RAB37: variants seen among roughly 807,000 people sequenced by gnomAD.
RAB37 encodes ras-related protein Rab-37.
RAB37 carries 29 observed loss-of-function variants against 33.1 expected under a neutral mutation model. The ratio of observed to expected loss-of-function variants is 0.88; its 90% CI spans 0.65 to 1.20. The LOEUF is 1.20. RAB37 is among the 50% of genes most tolerant of loss of function. The probability of loss-of-function intolerance (pLI) is 0.00; values close to 1 mark genes in which losing one functional copy is unlikely to be tolerated. For synonymous variants in RAB37, 128 were observed against 119.5 expected (o/e 1.07, Z -0.47); for missense variants, 299 against 301.1 (o/e 0.99, Z 0.05).
At chr17:74,736,212 G>GA (rs1032087916), upstream of RAB37, among the ~76,000 whole-genome samples, 1,692 of 142,072 alleles carry the variant, frequency 0.012, 17 homozygotes, top group African/African-American at 0.028. Flanking sequence ...GACTCTGTCT[G>GA]AAAAAAAAAA....
rs545949485 is a variant in RAB37, at chr17:74,704,750, G to A, written c.73-24506G>A. ...GCCTGATCTGTAAACACACTGCACG[G>A]TCAAGGAGCCCCGCTCCAAGCCATT... On this transcript the variant is annotated intron_variant, in intron 1 of 7. Transcript: ENST00000340415. 46 of 1,614,022 alleles carry A rather than the reference G, an allele frequency of 2.9e-5. 1 individual carries two copies. The South Asian group carries it at 4.2e-4, about 15-fold the overall frequency.
chr17:74,735,002 A>AGGAAGGAAGG (rs1227376183), upstream of RAB37, among the ~76,000 whole-genome samples: 93 of 86,354 alleles, frequency 1.1e-3, no homozygotes, highest in Middle Eastern at 4.1e-3. Context: ...GAAGAAAGAA[A>AGGAAGGAAGG]AAGAAAGGAA....
upstream of RAB37, among the ~76,000 whole-genome samples, chr17:74,734,536 C>A (rs75099099): frequency 0.018 from 2,741 of 152,256 alleles, 97 homozygotes; most frequent in East Asian, 0.16. Flanking sequence ...CCACCATTTC[C>A]CTCCTGCAAT....
intron 1 of RAB37, among the ~76,000 whole-genome samples, chr17:74,711,567 T>A (rs2033963847): frequency 6.6e-6 from 1 of 152,202 alleles, no homozygotes; most frequent in Admixed American, 6.5e-5. Flanking sequence ...CCCACCAGGA[T>A]CTTCTGAAGC....
upstream of RAB37, chr17:74,737,152 G>T (rs935265295): frequency 6.4e-7 from 1 of 1,573,774 alleles, no homozygotes; most frequent in Admixed American, 1.8e-5. Context: ...GCGACGGGAC[G>T]GAGGGAGGAG....
intron 1 of RAB37, among the ~76,000 whole-genome samples, chr17:74,675,458 T>C (rs1211732889): frequency 6.6e-6 from 1 of 151,610 alleles, no homozygotes; most frequent in Non-Finnish European, 1.5e-5. Context: ...GTGGTTGTAT[T>C]AGGGCATGCA....
intron 1 of RAB37, among the ~76,000 whole-genome samples, chr17:74,715,200 G>T (rs1302108566): frequency 6.6e-6 from 1 of 152,172 alleles, no homozygotes; most frequent in Non-Finnish European, 1.5e-5. Flanking sequence ...CTTTTGCCAT[G>T]TGTCACATAC....
chr17:74,705,637 A>G (rs2033443868), intron 1 of RAB37, among the ~76,000 whole-genome samples: 1 of 151,878 alleles, frequency 6.6e-6, no homozygotes, highest in Admixed American at 6.6e-5. Context: ...AGGCTGGAAC[A>G]CAGTGGCACA....
At chr17:74,689,846 G>A (rs1388913594) in intron 1 of RAB37, among the ~76,000 whole-genome samples, 1 of 49,798 alleles carries the variant, frequency 2.0e-5, no homozygotes, top group Non-Finnish European at 1.5e-4. Context: ...TGCCAACTCA[G>A]TAGTTTTTTT....
At chr17:74,700,073 C>T (rs1167690544) in intron 1 of RAB37, among the ~76,000 whole-genome samples, 1 of 151,814 alleles carries the variant, frequency 6.6e-6, no homozygotes, top group Non-Finnish European at 1.5e-5. Context: ...ACCCAGGAGG[C>T]GGAGGTTGCA....
intron 1 of RAB37, chr17:74,702,958 G>A: frequency 8.1e-7 from 1 of 1,240,766 alleles, no homozygotes; most frequent in South Asian, 1.2e-5. Flanking sequence ...GCTCAGGCTG[G>A]AAAATGGGAC....
At chr17:74,740,963 C>T in intron 2 of RAB37, 85 bp downstream of exon 2, 1 of 1,029,676 alleles carries the variant, frequency 9.7e-7, no homozygotes, top group Non-Finnish European at 1.5e-6. Flanking sequence ...CTTGCTCACC[C>T]TGGCTCCCAG....
chr17:74,696,099 A>C, intron 1 of RAB37: 2 of 1,469,552 alleles, frequency 1.4e-6, no homozygotes, highest in Non-Finnish European at 1.8e-6. Flanking sequence ...TTGGCACAGG[A>C]CTTCTCTGAT....
intron 1 of RAB37, among the ~76,000 whole-genome samples, chr17:74,679,478 A>G (rs1463445491): frequency 6.6e-6 from 1 of 152,202 alleles, no homozygotes; most frequent in East Asian, 1.9e-4. Context: ...ATTAAAAATC[A>G]TCTCTGCACT....
chr17:74,732,472 A>G (rs2034397170), upstream of RAB37, among the ~76,000 whole-genome samples: 1 of 122,848 alleles, frequency 8.1e-6, no homozygotes, highest in African/African-American at 2.9e-5. Flanking sequence ...GTGTGATTTG[A>G]GGTGTGTGTG....
At chr17:74,706,628 A>T (rs946958417) in intron 1 of RAB37, among the ~76,000 whole-genome samples, 1 of 152,170 alleles carries the variant, frequency 6.6e-6, no homozygotes, top group African/African-American at 2.4e-5. Context: ...AGATGGCGCC[A>T]TAGCACTCCA....
At chr17:74,701,480 C>A (rs148793533) in intron 1 of RAB37, among the ~76,000 whole-genome samples, 1 of 152,128 alleles carries the variant, frequency 6.6e-6, no homozygotes. Flanking sequence ...AAATAAATAA[C>A]CTTAACTATT....
At chr17:74,706,717 C>A (rs2033550598) in intron 1 of RAB37, among the ~76,000 whole-genome samples, 1 of 152,110 alleles carries the variant, frequency 6.6e-6, no homozygotes, top group Non-Finnish European at 1.5e-5. Flanking sequence ...GCACAACAAC[C>A]AACGGCGCGG....
At chr17:74,701,591 C>T (rs2033052806) in intron 1 of RAB37, among the ~76,000 whole-genome samples, 2 of 152,120 alleles carry the variant, frequency 1.3e-5, no homozygotes, top group African/African-American at 4.8e-5. Flanking sequence ...AGCAAGGTGG[C>T]TTATGCTTTT....
Sources: allele counts gnomAD v4.1 joint callset (sites outside exome capture counted in the v4.1 genomes callset), GRCh38; gene constraint gnomAD v4.1.1; transcripts MANE v1.5; gene names NCBI Gene and HGNC (gene_info 2026-07-23, HGNC 2026-07-21).